The following UCK2 variants were observed in gnomAD, a reference collection of about 807,000 sequenced individuals.
UCK2 encodes the protein cytidine monophosphokinase 2.
Under a neutral mutation model 30.8 loss-of-function variants are expected in UCK2, and 6 were observed. The ratio of observed to expected loss-of-function variants is 0.19; its 90% CI spans 0.11 to 0.38. The LOEUF is 0.38. Ranked by LOEUF, UCK2 falls within the 10% of genes least tolerant of loss-of-function variation. UCK2 has a pLI of 1.00. For missense variants in UCK2, 210 were observed against 339.8 expected, an observed-to-expected ratio of 0.62 and a Z score of 3.00; for synonymous variants, 125 against 133.6, an observed-to-expected ratio of 0.94 and a Z score of 0.45.
At position 165,855,510 on chromosome 1, in the gene UCK2, CT is replaced by C. The variant is rs76464312; in HGVS notation, c.99+27596del. Reference sequence around the variant, plus strand: ...CGGTCACTTCCCAGTTTTTTCTTTTCTTTTTTTTTTTTTTTTTTCTTGCAAG... The same window carrying C: ...CGGTCACTTCCCAGTTTTTTCTTTTCTTTTTTTTTTTTTTTTTCTTGCAAG... On this transcript the variant is annotated intron_variant, in intron 1 of 6. Coordinates refer to ENST00000367879, the MANE Select transcript of UCK2 (RefSeq NM_012474.5). Among the ~76,000 whole-genome samples the C allele has an allele frequency of 1.6e-3, 206 of 128,180 alleles. 1 individual carries two copies. Among genetic ancestry groups the C allele is most frequent in the East Asian group, 2.9e-3 (13 of 4,516 alleles). 84.1% of individuals were successfully genotyped at this position (128,180 alleles called of 152,430 possible).
intron 1 of UCK2, among the ~76,000 whole-genome samples, chr1:165,865,032 G>A (rs1314832947): frequency 6.6e-6 from 1 of 151,986 alleles, no homozygotes; most frequent in African/African-American, 2.4e-5. Flanking sequence ...CACACTTTTG[G>A]TAACTTAATG....
At chr1:165,835,640 A>G (rs1194980809) in intron 1 of UCK2, among the ~76,000 whole-genome samples, 1 of 152,216 alleles carries the variant, frequency 6.6e-6, no homozygotes, top group Non-Finnish European at 1.5e-5. Flanking sequence ...TGGGCTCTAA[A>G]TCTATAATAA....
intron 1 of UCK2, among the ~76,000 whole-genome samples, chr1:165,829,063 C>G (rs1381132478): frequency 1.3e-5 from 2 of 152,172 alleles, no homozygotes; most frequent in East Asian, 3.9e-4. Flanking sequence ...GTCAGTAGCC[C>G]CTCCTCCATG....
chr1:165,899,634 C>A (rs1647388016), intron 4 of UCK2, among the ~76,000 whole-genome samples: 1 of 152,184 alleles, frequency 6.6e-6, no homozygotes. Flanking sequence ...AGCTTCCTGC[C>A]CTGTACCCTG....
intron 1 of UCK2, among the ~76,000 whole-genome samples, chr1:165,855,092 A>G (rs987880357): frequency 2.0e-5 from 3 of 152,222 alleles, no homozygotes; most frequent in Admixed American, 6.5e-5. Flanking sequence ...AGGAGTGCAG[A>G]TGGTTAGCCA....
At chr1:165,895,474 A>G in intron 3 of UCK2, 1 of 985,332 alleles carries the variant, frequency 1.0e-6, no homozygotes, top group Non-Finnish European at 1.2e-6. Context: ...GCCCTAGGCT[A>G]CCCAACCATG....
chr1:165,898,195 T>G (rs1303327918), intron 4 of UCK2, among the ~76,000 whole-genome samples: 2 of 152,210 alleles, frequency 1.3e-5, no homozygotes, highest in African/African-American at 4.8e-5. Flanking sequence ...AGATAAATTT[T>G]AGAGTCCAGC....
At chr1:165,904,806 T>C (rs1001115221) in intron 5 of UCK2, among the ~76,000 whole-genome samples, 2 of 152,234 alleles carry the variant, frequency 1.3e-5, no homozygotes, top group African/African-American at 4.8e-5. Context: ...TGTGTTCTTA[T>C]GCTAGACTTA....
intron 4 of UCK2, among the ~76,000 whole-genome samples, chr1:165,898,834 G>C (rs764409697): frequency 4.6e-5 from 7 of 152,140 alleles, no homozygotes; most frequent in African/African-American, 1.7e-4. Flanking sequence ...CTGCCTCTCC[G>C]CCTTCTCTGA....
rs185650136 is a variant in UCK2, at chr1:165,836,228, C to T, written c.99+8296C>T. 6.0e-3 allele frequency among the ~76,000 whole-genome samples: 895 copies of T among 149,672 alleles called. 3 individuals are homozygous for T. The highest frequency in any genetic ancestry group is 8.9e-3 in the Admixed American group (134 of 15,126). On this transcript the variant is annotated intron_variant, in intron 1 of 6. Transcript: ENST00000367879. ...GGGCGACAAGAGCAAGACTCCGTCT[C>T]AAAACAAAAAACAAAACAAAAAAAA...
chr1:165,837,017 G>T (rs1022709805), intron 1 of UCK2, among the ~76,000 whole-genome samples: 18 of 152,066 alleles, frequency 1.2e-4, no homozygotes, highest in African/African-American at 4.3e-4. Context: ...TCAAACAAGA[G>T]GTTCCTTTTA....
intron 1 of UCK2, among the ~76,000 whole-genome samples, chr1:165,869,439 C>T (rs1271733959): frequency 1.1e-4 from 17 of 151,912 alleles, no homozygotes; most frequent in Admixed American, 1.1e-3. Flanking sequence ...TGGGTACATC[C>T]CCACAAATGG....
intron 6 of UCK2, among the ~76,000 whole-genome samples, chr1:165,906,173 C>T (rs910133663): frequency 4.6e-5 from 7 of 152,164 alleles, no homozygotes; most frequent in African/African-American, 1.7e-4. Context: ...GTTACGGGGA[C>T]AGACATGCAC....
chr1:165,839,341 C>T (rs1256655728), intron 1 of UCK2, among the ~76,000 whole-genome samples: 1 of 152,174 alleles, frequency 6.6e-6, no homozygotes, highest in African/African-American at 2.4e-5. Context: ...GCTGAGCGAG[C>T]CCTCCTTGTC....
rs1653919366 is a variant in UCK2, at chr1:165,827,690, G to A, written c.-144G>A. 1 of 660,452 alleles carries A rather than the reference G, an allele frequency of 1.5e-6. No homozygotes were observed. The highest frequency in any genetic ancestry group is 2.2e-6 in the Non-Finnish European group (1 of 461,658). The allele number at this position is 660,452 out of a possible 1,614,324, so 40.9% of individuals were successfully genotyped here. ...AAACCCAGCCCCGTCACCGGGCTCC[G>A]AGCGGCTCGCAGGCGAGCGACAGCG... is the stretch of plus-strand genomic sequence containing the variant. On this transcript the variant is annotated 5_prime_UTR_variant, in exon 1 of 7. Transcript: ENST00000367879.
At chr1:165,858,072 A>G (rs1307502528) in intron 1 of UCK2, among the ~76,000 whole-genome samples, 17 of 152,202 alleles carry the variant, frequency 1.1e-4, no homozygotes, top group Admixed American at 8.5e-4. Flanking sequence ...TCAGACCATT[A>G]CAAAAACTCA....
At chr1:165,844,660 C>T (rs1384731752) in intron 1 of UCK2, among the ~76,000 whole-genome samples, 1 of 152,156 alleles carries the variant, frequency 6.6e-6, no homozygotes, top group Admixed American at 6.5e-5. Context: ...AGCCCCATGC[C>T]CCTGACCTCT....
intron 1 of UCK2, among the ~76,000 whole-genome samples, chr1:165,874,983 C>T (rs748320474): frequency 1.4e-5 from 2 of 143,244 alleles, no homozygotes; most frequent in South Asian, 4.3e-4. Context: ...GTTTTATAGA[C>T]GTGAAGAAAA....
intron 1 of UCK2, among the ~76,000 whole-genome samples, chr1:165,845,532 T>C (rs753055359): frequency 1.3e-5 from 2 of 152,204 alleles, no homozygotes; most frequent in Non-Finnish European, 2.9e-5. Context: ...TGTGTAACAA[T>C]TAACTGGATC....
Sources: gnomAD v4.1 joint callset for allele counts (sites outside exome capture counted in the v4.1 genomes callset) on GRCh38, gnomAD v4.1.1 for gene constraint, MANE v1.5 for transcripts, NCBI Gene and HGNC (gene_info 2026-07-23, HGNC 2026-07-21) for gene names.